CNTNAP2: variants seen among roughly 807,000 people sequenced by gnomAD.
CNTNAP2 encodes contactin associated protein 2.
Under a neutral mutation model 155.2 loss-of-function variants are expected in CNTNAP2, and 98 were observed. The ratio of observed to expected loss-of-function variants is 0.63; its 90% CI spans 0.54 to 0.75. The LOEUF (loss-of-function observed/expected upper bound fraction) is 0.75, where lower values mean the gene tolerates loss of function less well. Ranked by LOEUF, CNTNAP2 falls within the 30% of genes least tolerant of loss-of-function variation. The probability of loss-of-function intolerance (pLI) is 0.00; values close to 1 mark genes in which losing one functional copy is unlikely to be tolerated. For synonymous variants in CNTNAP2, 651 were observed against 631.2 expected, an observed-to-expected ratio of 1.03 and a Z score of -0.47; for missense variants, 1,727 against 1,688.1, an observed-to-expected ratio of 1.02 and a Z score of -0.40.
intron 15 of CNTNAP2, among the ~76,000 whole-genome samples, chr7:148,041,172 A>G (rs1281223111): frequency 6.6e-6 from 1 of 152,226 alleles, no homozygotes; most frequent in Non-Finnish European, 1.5e-5. Flanking sequence ...ATACTTATTT[A>G]GCCATTGCTA....
chr7:147,759,393 A>G (rs1212148011), intron 13 of CNTNAP2, among the ~76,000 whole-genome samples: 1 of 152,188 alleles, frequency 6.6e-6, no homozygotes, highest in Admixed American at 6.5e-5. Flanking sequence ...CTGATGTCCC[A>G]ATGCTCTTTG....
intron 15 of CNTNAP2, among the ~76,000 whole-genome samples, chr7:148,068,179 C>T (rs755925505): frequency 2.0e-4 from 30 of 152,148 alleles, no homozygotes; most frequent in Non-Finnish European, 1.8e-4. Flanking sequence ...CCACCCCTGC[C>T]CCAGATTGTG....
rs113849515 is a variant in CNTNAP2 at position 146,382,381 on chromosome 7, G to A, written c.97+265408G>A. Reference sequence around the variant, plus strand: ...TGATAGGCAGGAAGAAGAGTAATTGGGGAAAGCATTGATTTGCTGAATGTT... The same window carrying A: ...TGATAGGCAGGAAGAAGAGTAATTGAGGAAAGCATTGATTTGCTGAATGTT... On this transcript the variant is annotated intron_variant, in intron 1 of 23. Coordinates refer to ENST00000361727, the MANE Select transcript of CNTNAP2 (RefSeq NM_014141.6). Among the ~76,000 whole-genome samples the A allele has an allele frequency of 7.2e-3, 1,093 of 152,212 alleles. 13 individuals carry two copies. Among genetic ancestry groups the A allele is most frequent in the African/African-American group, 0.025 (1,037 of 41,536 alleles).
At chr7:148,331,188 G>GA (rs1797997683) in intron 21 of CNTNAP2, among the ~76,000 whole-genome samples, 1 of 145,870 alleles carries the variant, frequency 6.9e-6, no homozygotes, top group African/African-American at 2.6e-5. Context: ...GGATGGAATG[G>GA]ATGGACGGAT....
At position 146,163,525 on chromosome 7, in the gene CNTNAP2, A is replaced by ATG. The variant is rs201363811; in HGVS notation, c.97+46553_97+46554insGT. On this transcript the variant is annotated intron_variant, in intron 1 of 23. Coordinates refer to ENST00000361727, the MANE Select transcript of CNTNAP2 (RefSeq NM_014141.6). Reference sequence around the variant, plus strand: ...TATATATCTATATATATCTATATATATCTATATATATCTATATCTATATAT... The same window carrying ATG: ...TATATATCTATATATATCTATATATATGTCTATATATATCTATATCTATATAT... Among the ~76,000 whole-genome samples the ATG allele has an allele frequency of 8.7e-3, 1,261 of 144,870 alleles. 22 individuals carry two copies. Among genetic ancestry groups the ATG allele is most frequent in the African/African-American group, 0.031 (1,199 of 38,852 alleles).
intron 14 of CNTNAP2, among the ~76,000 whole-genome samples, chr7:147,910,165 AT>A (rs1319677446): frequency 1.3e-5 from 2 of 152,084 alleles, no homozygotes; most frequent in African/African-American, 4.8e-5. Flanking sequence ...AATCGTTATA[AT>A]TTTTTGTCCT....
At position 148,280,806 on chromosome 7, in the gene CNTNAP2, C is replaced by T. The variant is rs191256974; in HGVS notation, c.3475+13680C>T. 3.0e-4 allele frequency among the ~76,000 whole-genome samples: 46 copies of T among 152,020 alleles called. 1 individual carries two copies. Among genetic ancestry groups the T allele is most frequent in the Admixed American group, 1.1e-3 (17 of 15,266 alleles). ...AGATGGCGGGAGCCTGTAATCTCAGCTACTTGGGAGGCTGAGGCAGGAGAA... is the reference window on the plus strand; with the variant it reads ...AGATGGCGGGAGCCTGTAATCTCAGTTACTTGGGAGGCTGAGGCAGGAGAA... On this transcript the variant is annotated intron_variant, in intron 21 of 23. Transcript: ENST00000361727.
At chr7:147,282,317 T>A (rs371900330) in intron 8 of CNTNAP2, among the ~76,000 whole-genome samples, 10 of 152,056 alleles carry the variant, frequency 6.6e-5, no homozygotes, top group African/African-American at 2.4e-4. Context: ...ATTTAGTTTT[T>A]CAAACTTGAC....
At chr7:146,906,544 T>G (rs1796132389) in intron 3 of CNTNAP2, among the ~76,000 whole-genome samples, 1 of 152,006 alleles carries the variant, frequency 6.6e-6, no homozygotes, top group Non-Finnish European at 1.5e-5. Context: ...AGGGGCACAC[T>G]GACACCTCAC....
At chr7:147,480,561 A>G (rs903377843) in intron 10 of CNTNAP2, among the ~76,000 whole-genome samples, 5 of 152,348 alleles carry the variant, frequency 3.3e-5, no homozygotes, top group Admixed American at 2.6e-4. Flanking sequence ...TGCAGAAATG[A>G]TTTAACTTGC....
intron 8 of CNTNAP2, among the ~76,000 whole-genome samples, chr7:147,212,380 A>T (rs1013259057): frequency 5.9e-5 from 9 of 152,176 alleles, no homozygotes; most frequent in African/African-American, 2.2e-4. Context: ...AGTATGGTAC[A>T]TGTACACCAT....
chr7:147,189,414 G>T (rs12703882), intron 8 of CNTNAP2, among the ~76,000 whole-genome samples: 12,536 of 152,088 alleles, frequency 0.082, 534 homozygotes, highest in Non-Finnish European at 0.1. Context: ...TAGTATGCTT[G>T]TAATACTGAT....
chr7:147,134,674 CCT>C (rs1187064295), intron 8 of CNTNAP2, among the ~76,000 whole-genome samples: 1 of 151,716 alleles, frequency 6.6e-6, no homozygotes, highest in Admixed American at 6.6e-5. Flanking sequence ...GACATAATTT[CCT>C]CTGTCTTTTA....
chr7:148,271,500 C>A (rs762788733), intron 21 of CNTNAP2, among the ~76,000 whole-genome samples: 1 of 152,252 alleles, frequency 6.6e-6, no homozygotes, highest in Non-Finnish European at 1.5e-5. Flanking sequence ...AGCGAGTCAG[C>A]GGTGACGCTG....
chr7:147,656,797 T>C (rs1354663179), intron 13 of CNTNAP2, among the ~76,000 whole-genome samples: 1 of 152,028 alleles, frequency 6.6e-6, no homozygotes, highest in East Asian at 1.9e-4. Flanking sequence ...CCGATGCCAA[T>C]AGATTTACTC....
At chr7:146,910,781 C>T (rs1028569160) in intron 3 of CNTNAP2, among the ~76,000 whole-genome samples, 1 of 148,376 alleles carries the variant, frequency 6.7e-6, no homozygotes, top group African/African-American at 2.5e-5. Context: ...AAAGCAATGG[C>T]AACAAAAGCC....
chr7:147,469,207 C>A, intron 10 of CNTNAP2, among the ~76,000 whole-genome samples: 1 of 152,132 alleles, frequency 6.6e-6, no homozygotes, highest in East Asian at 1.9e-4. Flanking sequence ...ATTAATGGAG[C>A]ACAAAACCCT....
chr7:147,333,957 C>T (rs1795622541), intron 9 of CNTNAP2, among the ~76,000 whole-genome samples: 1 of 152,138 alleles, frequency 6.6e-6, no homozygotes, highest in Admixed American at 6.5e-5. Context: ...CACATCAAAG[C>T]AGACTTGGAT....
chr7:148,247,652 T>C (rs1353748020), intron 20 of CNTNAP2, among the ~76,000 whole-genome samples: 2 of 139,132 alleles, frequency 1.4e-5, no homozygotes, highest in Non-Finnish European at 1.5e-5. Flanking sequence ...TATTTATTTA[T>C]TTATTTATTT....
Sources: allele counts gnomAD v4.1 joint callset (sites outside exome capture counted in the v4.1 genomes callset), GRCh38; gene constraint gnomAD v4.1.1; transcripts MANE v1.5; gene names NCBI Gene and HGNC (gene_info 2026-07-23, HGNC 2026-07-21).